PCLAF: variants seen among roughly 807,000 people sequenced by gnomAD.
PCLAF encodes the protein PCNA clamp associated factor.
Under a neutral mutation model 15.1 loss-of-function variants are expected in PCLAF, and 12 were observed. The ratio of observed to expected loss-of-function variants is 0.79; its 90% confidence interval spans 0.51 to 1.29. The LOEUF is 1.29. Ranked by LOEUF, PCLAF falls within the 50% of genes most tolerant of loss-of-function variation. The probability of loss-of-function intolerance (pLI) is 0.00; values close to 1 mark genes in which losing one functional copy is unlikely to be tolerated. For synonymous variants in PCLAF, 33 were observed against 47.1 expected, an observed-to-expected ratio of 0.70 and a Z score of 1.22; for missense variants, 116 against 130.9, an observed-to-expected ratio of 0.89 and a Z score of 0.56.
chr15:64,377,489 ATATATATATATATATATATAT>A lies in PCLAF; in HGVS notation c.128-605_128-585del, dbSNP rs1397045895. 6.1e-3 allele frequency among the ~76,000 whole-genome samples: 100 copies of A among 16,466 alleles called. 14 individuals are homozygous for A. Among genetic ancestry groups the A allele is most frequent in the African/African-American group, 0.022 (96 of 4,438 alleles). The allele number at this position is 16,466 out of a possible 152,430, so 10.8% of individuals were successfully genotyped here. On this transcript the variant is annotated intron_variant, in intron 2 of 3. Coordinates refer to ENST00000300035, the MANE Select transcript of PCLAF (RefSeq NM_014736.6). ...CTGTCTCAAAAAAAAAAAAAAAAAA[ATATATATATATATATATATAT>A]ATATATATATATATATATATATATA...
At position 64,376,769 on chromosome 15, in the gene PCLAF, G is replaced by A. The variant is rs1344345484; in HGVS notation, c.264C>T (p.Ser88=). Residue 88 remains serine (S), a synonymous_variant, in exon 3 of 4, where the codon AGC becomes AGT. Transcript: ENST00000300035. ...TTCTCTTTGCTTTTCCTAAGCCACTGCTTCCTGCCTCTTCAGGAATCTGAT... is the reference window on the plus strand; with the variant it reads ...TTCTCTTTGCTTTTCCTAAGCCACTACTTCCTGCCTCTTCAGGAATCTGAT... The part of the protein sequence containing the change: ...KENQIPEEAG[S]SGLGKAKRKA... 6.2e-7 allele frequency: 1 copy of A among 1,613,352 alleles called. No homozygotes were observed. Among genetic ancestry groups the A allele is most frequent in the African/African-American group, 1.3e-5 (1 of 74,878 alleles).
chr15:64,383,366 T>C (rs1007349320), upstream of PCLAF, among the ~76,000 whole-genome samples: 3 of 150,156 alleles, frequency 2.0e-5, no homozygotes, highest in Non-Finnish European at 4.4e-5. Context: ...TTTTTTTGTG[T>C]GTGTGTTTTT....
intron 3 of PCLAF, among the ~76,000 whole-genome samples, chr15:64,368,606 T>G (rs1899149626): frequency 6.6e-6 from 1 of 152,154 alleles, no homozygotes; most frequent in South Asian, 2.1e-4. Flanking sequence ...ATAGAGAGTT[T>G]ATATCATAAA....
At chr15:64,387,599 A>G (rs1303082613) in exon 1 of PCLAF, 3 of 1,386,404 alleles carry the variant, frequency 2.2e-6, no homozygotes, top group Admixed American at 6.2e-5. Context: ...AGAATTGCCA[A>G]TGGCCTTCCT....
chr15:64,387,615 C>T, exon 1 of PCLAF: 1 of 1,389,636 alleles, frequency 7.2e-7, no homozygotes, highest in Non-Finnish European at 9.3e-7. Flanking sequence ...TTCCTCGAGT[C>T]CTACGTTTAG....
rs1898967568 is a variant in PCLAF, at chr15:64,364,853, A to AT, written c.*1176dup. ...AGGCATGTGCCACCATGCCTGGCTC[A>AT]TTTTTTCATTTTTAGTAGTGACAGT... On this transcript the variant is annotated 3_prime_UTR_variant, in exon 4 of 4. Coordinates refer to ENST00000300035, the MANE Select transcript of PCLAF (RefSeq NM_014736.6). The AT allele has an allele frequency of 6.7e-6, 1 of 150,364 alleles. No individual in the cohort carries two copies. Among genetic ancestry groups the AT allele is most frequent in the African/African-American group, 2.5e-5 (1 of 40,802 alleles). 9.3% of individuals were successfully genotyped at this position (150,364 alleles called of 1,614,324 possible).
chr15:64,377,003 G>T (rs780891184), intron 2 of PCLAF, 98 bp from the exon 3 acceptor site: 188 of 902,190 alleles, frequency 2.1e-4, no homozygotes, highest in Non-Finnish European at 3.8e-5. Context: ...ATTCTCAAAG[G>T]TATTAAATAA....
upstream of PCLAF, among the ~76,000 whole-genome samples, chr15:64,385,693 C>A (rs1899919741): frequency 1.3e-5 from 2 of 151,978 alleles, no homozygotes; most frequent in Non-Finnish European, 2.9e-5. Flanking sequence ...AGCATTGCTT[C>A]TGGGTGCCTT....
intron 3 of PCLAF, 74 bp from the exon 4 acceptor site, chr15:64,366,149 T>G (rs1899020805): frequency 9.0e-7 from 1 of 1,116,688 alleles, no homozygotes; most frequent in South Asian, 1.4e-5. Flanking sequence ...CAAACCTATA[T>G]AAATCAGGAA....
At chr15:64,380,542 A>G (rs1899779860) in intron 2 of PCLAF, among the ~76,000 whole-genome samples, 1 of 151,930 alleles carries the variant, frequency 6.6e-6, no homozygotes, top group Non-Finnish European at 1.5e-5. Flanking sequence ...CATCTCTACA[A>G]AAAATAGAAA....
chr15:64,376,314 G>A (rs976902245), intron 3 of PCLAF, among the ~76,000 whole-genome samples: 6 of 151,978 alleles, frequency 3.9e-5, no homozygotes, highest in African/African-American at 1.4e-4. Flanking sequence ...TTTCTTATGA[G>A]CTTGAAGAGA....
intron 1 of PCLAF, among the ~76,000 whole-genome samples, chr15:64,386,541 C>T (rs866930922): frequency 3.9e-5 from 6 of 151,986 alleles, no homozygotes; most frequent in Admixed American, 1.3e-4. Context: ...CAGACTGGTC[C>T]GGAACTCCTG....
intron 1 of PCLAF, chr15:64,387,424 C>T: frequency 8.6e-7 from 1 of 1,159,974 alleles, no homozygotes; most frequent in Non-Finnish European, 1.1e-6. Context: ...AAAATTAAAA[C>T]CACCACCAGA....
At chr15:64,367,715 T>G (rs1366048069) in intron 3 of PCLAF, among the ~76,000 whole-genome samples, 1 of 151,274 alleles carries the variant, frequency 6.6e-6, no homozygotes, top group East Asian at 2.0e-4. Context: ...GCCCACCTAA[T>G]TTTTTTGTAT....
In PCLAF at chr15:64,379,961, A is replaced by AT. The variant is rs770251410; in HGVS notation, c.127+996dup. Among the ~76,000 whole-genome samples the AT allele has an allele frequency of 4.1e-3, 626 of 151,850 alleles. 2 individuals carry two copies. Among genetic ancestry groups the AT allele is most frequent in the Non-Finnish European group, 8.0e-3 (542 of 67,906 alleles). ...AAAACAAGCAAACAAAAACAAAAAC[A>AT]TTTTTATTAAAGTTTAGTAGACATT... On this transcript the variant is annotated intron_variant, in intron 2 of 3. Coordinates refer to ENST00000300035, the MANE Select transcript of PCLAF (RefSeq NM_014736.6).
At chr15:64,382,157 G>A (rs1203156569), upstream of PCLAF, among the ~76,000 whole-genome samples, 4 of 152,258 alleles carry the variant, frequency 2.6e-5, no homozygotes, top group South Asian at 2.1e-4. Context: ...TTGAGAGGCC[G>A]AGGCGGGCAG....
Position 64,365,291 on chromosome 15 carries a change from C to G in PCLAF, c.*739G>C, listed in dbSNP as rs1437204198. On this transcript the variant is annotated 3_prime_UTR_variant, in exon 4 of 4. Coordinates refer to ENST00000300035, the MANE Select transcript of PCLAF (RefSeq NM_014736.6). Reference sequence around the variant, plus strand: ...TGCTGGGATTACAGGCGTGAGCCACCGCACCCGGCTAAAAATTGTTTTAGA... The same window carrying G: ...TGCTGGGATTACAGGCGTGAGCCACGGCACCCGGCTAAAAATTGTTTTAGA... 1 of 152,480 alleles carries G rather than the reference C, an allele frequency of 6.6e-6. No individual in the cohort carries two copies. The highest frequency in any genetic ancestry group is 1.5e-5 in the Non-Finnish European group (1 of 68,366). The allele number at this position is 152,480 out of a possible 1,614,324, so 9.4% of individuals were successfully genotyped here. A position where few individuals can be genotyped will look rare whatever the true frequency, so the allele number is the denominator to read the frequency against.
At chr15:64,376,312 G>C (rs903039350) in intron 3 of PCLAF, among the ~76,000 whole-genome samples, 7 of 151,936 alleles carry the variant, frequency 4.6e-5, no homozygotes, top group Non-Finnish European at 7.4e-5. Flanking sequence ...ATTTTCTTAT[G>C]AGCTTGAAGA....
At chr15:64,374,956 CAA>C (rs1899548032) in intron 3 of PCLAF, among the ~76,000 whole-genome samples, 1 of 151,604 alleles carries the variant, frequency 6.6e-6, no homozygotes, top group African/African-American at 2.4e-5. Flanking sequence ...GGTTGCACAC[CAA>C]GTTTGGTGTG....
Sources: gnomAD v4.1 joint callset for allele counts (sites outside exome capture counted in the v4.1 genomes callset) on GRCh38, gnomAD v4.1.1 for gene constraint, MANE v1.5 for transcripts, NCBI Gene and HGNC (gene_info 2026-07-23, HGNC 2026-07-21) for gene names.